The following SLC35F3 variants were observed in gnomAD, a reference collection of about 807,000 sequenced individuals.
The protein encoded by SLC35F3 is solute carrier family 35 member F3, also known as putative thiamine transporter SLC35F3.
In SLC35F3, 25 loss-of-function variants were observed where a neutral mutation model predicts 49.9. The ratio of observed to expected loss-of-function variants is 0.50; its 90% confidence interval spans 0.37 to 0.70. The LOEUF (loss-of-function observed/expected upper bound fraction) is 0.70. Ranked by LOEUF, SLC35F3 falls within the 30% of genes least tolerant of loss-of-function variation. The probability of loss-of-function intolerance (pLI) is 0.00; values close to 1 mark genes in which losing one functional copy is unlikely to be tolerated. For missense variants in SLC35F3, 525 were observed against 639.8 expected, an observed-to-expected ratio of 0.82 and a Z score of 1.94; for synonymous variants, 275 against 265.4, an observed-to-expected ratio of 1.04 and a Z score of -0.35.
intron 3 of SLC35F3, among the ~76,000 whole-genome samples, chr1:234,298,804 C>T (rs1668646552): frequency 2.0e-5 from 3 of 152,160 alleles, no homozygotes; most frequent in Non-Finnish European, 4.4e-5. Flanking sequence ...ATCAGACTAA[C>T]CCTCCCTTTA....
intron 2 of SLC35F3, among the ~76,000 whole-genome samples, chr1:234,161,510 C>T (rs1441596437): frequency 2.6e-5 from 4 of 152,152 alleles, no homozygotes; most frequent in Non-Finnish European, 5.9e-5. Flanking sequence ...CCTGTAATCC[C>T]AGCTCTTTGT....
chr1:234,135,184 A>G (rs896884783), intron 2 of SLC35F3, among the ~76,000 whole-genome samples: 1 of 152,208 alleles, frequency 6.6e-6, no homozygotes, highest in Admixed American at 6.5e-5. Flanking sequence ...TATACAGTGA[A>G]CAGCTAGCCC....
intron 2 of SLC35F3, among the ~76,000 whole-genome samples, chr1:234,002,059 G>A (rs1663562710): frequency 6.6e-6 from 1 of 152,210 alleles, no homozygotes; most frequent in Non-Finnish European, 1.5e-5. Flanking sequence ...GCTGCTGGCT[G>A]TAGACAGGAC....
At chr1:234,096,625 G>T (rs1665129242) in intron 2 of SLC35F3, among the ~76,000 whole-genome samples, 1 of 152,172 alleles carries the variant, frequency 6.6e-6, no homozygotes, top group African/African-American at 2.4e-5. Context: ...AGAGCCAGTG[G>T]TGAGAGGCAA....
At chr1:234,099,269 A>T (rs1211629774) in intron 2 of SLC35F3, among the ~76,000 whole-genome samples, 1 of 152,086 alleles carries the variant, frequency 6.6e-6, no homozygotes, top group Non-Finnish European at 1.5e-5. Context: ...TAATATTGGG[A>T]ATGATAATGT....
intron 2 of SLC35F3, among the ~76,000 whole-genome samples, chr1:233,996,750 G>A (rs551193560): frequency 2.3e-4 from 35 of 152,298 alleles, no homozygotes; most frequent in African/African-American, 8.2e-4. Flanking sequence ...TGTGCCGAAT[G>A]GCACTTATTT....
intron 2 of SLC35F3, among the ~76,000 whole-genome samples, chr1:233,998,169 A>G (rs1451692534): frequency 6.6e-6 from 1 of 152,134 alleles, no homozygotes. Flanking sequence ...GTCTCATACT[A>G]TAAGCAAATA....
chr1:234,017,767 T>C (rs907136269), intron 2 of SLC35F3, among the ~76,000 whole-genome samples: 6 of 149,930 alleles, frequency 4.0e-5, no homozygotes, highest in South Asian at 2.1e-4. Context: ...CAAAAGTAAT[T>C]GCTGTTTTTG....
intron 2 of SLC35F3, among the ~76,000 whole-genome samples, chr1:233,948,443 G>A (rs997640905): frequency 1.3e-5 from 2 of 152,006 alleles, no homozygotes; most frequent in Non-Finnish European, 2.9e-5. Context: ...CCCAAGCGAA[G>A]GGTTCAAGTG....
Position 233,905,748 on chromosome 1 carries a change from G to A in SLC35F3, c.273G>A (p.Ala91=). The A allele has an allele frequency of 1.2e-6, 2 of 1,611,188 alleles. 1 individual carries two copies. Among genetic ancestry groups the A allele is most frequent in the Middle Eastern group, 3.3e-4 (2 of 6,038 alleles). Residue 91 remains alanine, a synonymous_variant, in exon 2 of 8, where the codon GCG becomes GCA. Coordinates refer to ENST00000366618, the MANE Select transcript of SLC35F3 (RefSeq NM_173508.4). ...ACTATGGCTACCAGCCCTGGGCAGC[G>A]AGCTGCAAAAGTAAGACCCCCTCAC... ...TGYYGYQPWA[A]SCKREERPRD... is the part of the protein sequence containing the mutation.
chr1:234,232,530 A>AAG (rs1667397006), intron 3 of SLC35F3, among the ~76,000 whole-genome samples: 1 of 149,808 alleles, frequency 6.7e-6, no homozygotes, highest in East Asian at 1.9e-4. Context: ...AAAAAAAAAA[A>AAG]AAAAAAAAAA....
chr1:234,122,820 A>G (rs1303025524), intron 2 of SLC35F3, among the ~76,000 whole-genome samples: 2 of 152,212 alleles, frequency 1.3e-5, no homozygotes, highest in African/African-American at 4.8e-5. Context: ...ATGGCTGTAT[A>G]GTATTCCATG....
chr1:233,910,914 C>T (rs1661863834), intron 2 of SLC35F3, among the ~76,000 whole-genome samples: 1 of 152,140 alleles, frequency 6.6e-6, no homozygotes, highest in African/African-American at 2.4e-5. Context: ...GACCAACTGT[C>T]TCTAGCCCAC....
chr1:234,246,541 T>C (rs1471527253), intron 3 of SLC35F3, among the ~76,000 whole-genome samples: 3 of 152,226 alleles, frequency 2.0e-5, no homozygotes, highest in African/African-American at 4.8e-5. Flanking sequence ...AAACACACGA[T>C]GTGTTTTCTG....
At chr1:233,918,793 TC>T (rs1405498875) in intron 2 of SLC35F3, among the ~76,000 whole-genome samples, 7 of 82,190 alleles carry the variant, frequency 8.5e-5, no homozygotes, top group African/African-American at 2.2e-4. Flanking sequence ...TCTCTCTCTC[TC>T]TCTTTCTCTC....
At chr1:234,076,045 TG>T (rs1664787148) in intron 2 of SLC35F3, among the ~76,000 whole-genome samples, 1 of 152,208 alleles carries the variant, frequency 6.6e-6, no homozygotes, top group African/African-American at 2.4e-5. Context: ...CTTCTGGGTA[TG>T]TTCTTAACCT....
intron 2 of SLC35F3, among the ~76,000 whole-genome samples, chr1:233,964,500 G>A (rs527253803): frequency 5.9e-5 from 9 of 152,236 alleles, no homozygotes; most frequent in Non-Finnish European, 1.2e-4. Flanking sequence ...ATAGAAGAAT[G>A]AGATCAACAA....
intron 2 of SLC35F3, among the ~76,000 whole-genome samples, chr1:234,107,296 G>A (rs1254321546): frequency 6.6e-6 from 1 of 152,174 alleles, no homozygotes; most frequent in Non-Finnish European, 1.5e-5. Context: ...CCTGCAGTGG[G>A]GAAGGTATTG....
chr1:234,216,134 C>G (rs1356758612), intron 2 of SLC35F3, among the ~76,000 whole-genome samples: 2 of 152,206 alleles, frequency 1.3e-5, no homozygotes, highest in Admixed American at 1.3e-4. Context: ...CCTACCCAGA[C>G]ATTGCCCACA....
Sources: allele counts gnomAD v4.1 joint callset (sites outside exome capture counted in the v4.1 genomes callset), GRCh38; gene constraint gnomAD v4.1.1; transcripts MANE v1.5; gene names NCBI Gene and HGNC (gene_info 2026-07-23, HGNC 2026-07-21).